Variants in NOX4 observed in about 807,000 individuals in gnomAD.
NOX4 encodes kidney oxidase-1.
Under a neutral mutation model 87.6 loss-of-function variants are expected in NOX4, and 69 were observed. The observed-to-expected ratio is 0.79, with a 90% CI of 0.65 to 0.96. NOX4 has a LOEUF of 0.96. Among genes scored for constraint, NOX4 ranks in the 40% least tolerant of loss-of-function variants. The pLI is 0.00. For missense variants in NOX4, 680 were observed against 681.5 expected, an observed-to-expected ratio of 1.00 and a Z score of 0.02; for synonymous variants, 275 against 238.2, an observed-to-expected ratio of 1.15 and a Z score of -1.42.
rs921609297 is a variant in NOX4 at position 89,463,119 on chromosome 11, C to T, written c.154-11224G>A. 2.0e-5 allele frequency among the ~76,000 whole-genome samples: 3 copies of T among 151,778 alleles called. No homozygotes were observed. In the South Asian group the frequency reaches 6.2e-4, roughly 32 times the overall value. On this transcript the variant is annotated intron_variant, in intron 2 of 17. Coordinates refer to ENST00000263317, the MANE Select transcript of NOX4 (RefSeq NM_016931.5). Reference sequence around the variant, plus strand: ...ACTGAGGAATATTAGTAATCAGATTCTGTCCATTTAATAAAAACAAAAATA... The same window carrying T: ...ACTGAGGAATATTAGTAATCAGATTTTGTCCATTTAATAAAAACAAAAATA...
Position 89,430,861 on chromosome 11 carries a change from G to A in NOX4, c.548+1923C>T, listed in dbSNP as rs573040070. 1.1e-4 allele frequency among the ~76,000 whole-genome samples: 16 copies of A among 152,164 alleles called. No homozygotes were observed. In the East Asian group the frequency reaches 3.1e-3, roughly 29 times the overall value. On this transcript the variant is annotated intron_variant, in intron 7 of 17. Transcript: ENST00000263317. The stretch of plus-strand genomic sequence containing the variant: ...CAGAATTGGAAAAAACTACTTTAAA[G>A]TTCATATGGAACCAAAAAAGAGCCT...
At chr11:89,351,573 T>C (rs1397471247) in intron 13 of NOX4, among the ~76,000 whole-genome samples, 9 of 152,206 alleles carry the variant, frequency 5.9e-5, no homozygotes, top group Admixed American at 5.2e-4. Flanking sequence ...AACTCTTGTC[T>C]ATGGACTAAT....
the NOX4 span, among the ~76,000 whole-genome samples, chr11:89,529,259 G>T: frequency 6.6e-6 from 1 of 152,140 alleles, no homozygotes; most frequent in Non-Finnish European, 1.5e-5. Flanking sequence ...AGGGGTTTTT[G>T]CAGGTATATT....
intron 2 of NOX4, among the ~76,000 whole-genome samples, chr11:89,473,542 T>G (rs1232437901): frequency 6.6e-6 from 1 of 152,086 alleles, no homozygotes; most frequent in African/African-American, 2.4e-5. Flanking sequence ...CTATCCATAA[T>G]GATATATATT....
chr11:89,404,160 C>T (rs1337446731), intron 8 of NOX4, among the ~76,000 whole-genome samples: 1 of 152,064 alleles, frequency 6.6e-6, no homozygotes, highest in Non-Finnish European at 1.5e-5. Flanking sequence ...TTTCTAGTCA[C>T]CCAATACAAT....
chr11:89,570,945 T>C, the NOX4 span, among the ~76,000 whole-genome samples: 2 of 152,368 alleles, frequency 1.3e-5, no homozygotes, highest in Middle Eastern at 3.4e-3. Flanking sequence ...AACCATAGAT[T>C]AGGTTCACTT....
chr11:89,363,509 C>T (rs1938693623), intron 12 of NOX4, among the ~76,000 whole-genome samples: 1 of 151,952 alleles, frequency 6.6e-6, no homozygotes, highest in South Asian at 2.1e-4. Flanking sequence ...AACAAAAGAA[C>T]TTCAATGCCA....
chr11:89,444,951 A>T (rs1165752826), intron 4 of NOX4, among the ~76,000 whole-genome samples: 1 of 152,098 alleles, frequency 6.6e-6, no homozygotes, highest in Admixed American at 6.6e-5. Context: ...TATTTTGAGG[A>T]GGTTGGGTAA....
intron 7 of NOX4, among the ~76,000 whole-genome samples, chr11:89,430,537 A>G (rs545858717): frequency 6.6e-6 from 1 of 152,316 alleles, no homozygotes; most frequent in South Asian, 2.1e-4. Context: ...TGCAAAAATC[A>G]CAAGCATTCT....
At chr11:89,506,932 G>A in the NOX4 span, among the ~76,000 whole-genome samples, 1 of 151,638 alleles carries the variant, frequency 6.6e-6, no homozygotes, top group Non-Finnish European at 1.5e-5. Flanking sequence ...CAGGGAAACT[G>A]GTATACTCAT....
At chr11:89,442,384 A>C (rs1944497711) in intron 5 of NOX4, among the ~76,000 whole-genome samples, 1 of 152,162 alleles carries the variant, frequency 6.6e-6, no homozygotes, top group South Asian at 2.1e-4. Flanking sequence ...TTTAAACCAA[A>C]ATTCTACAAC....
intron 15 of NOX4, among the ~76,000 whole-genome samples, chr11:89,339,459 C>G (rs2135380692): frequency 6.6e-6 from 1 of 152,224 alleles, no homozygotes; most frequent in East Asian, 1.9e-4. Flanking sequence ...TTTACTTTAT[C>G]AGAATTGTTT....
intron 7 of NOX4, among the ~76,000 whole-genome samples, 154 bp from the exon 8 acceptor site, chr11:89,422,136 C>A (rs566489276): frequency 2.2e-4 from 33 of 152,042 alleles, no homozygotes. Context: ...AGTATTAACA[C>A]AGTATATAGA....
At chr11:89,393,913 T>A (rs1941295259) in intron 11 of NOX4, among the ~76,000 whole-genome samples, 1 of 152,158 alleles carries the variant, frequency 6.6e-6, no homozygotes, top group Non-Finnish European at 1.5e-5. Flanking sequence ...AATTTTCCTT[T>A]CTCAGTCGTC....
chr11:89,464,365 C>T (rs1024606912), intron 2 of NOX4, among the ~76,000 whole-genome samples: 1 of 152,036 alleles, frequency 6.6e-6, no homozygotes, highest in African/African-American at 2.4e-5. Context: ...AAGAAGAAAA[C>T]TTTTTACTAG....
chr11:89,521,314 G>A, the NOX4 span, among the ~76,000 whole-genome samples: 1 of 152,054 alleles, frequency 6.6e-6, no homozygotes, highest in Non-Finnish European at 1.5e-5. Flanking sequence ...AAATGGCATA[G>A]TACCAGTAGA....
At chr11:89,411,409 G>C (rs1942471774) in intron 8 of NOX4, among the ~76,000 whole-genome samples, 1 of 152,092 alleles carries the variant, frequency 6.6e-6, no homozygotes, top group Non-Finnish European at 1.5e-5. Context: ...CAGTGGGGTA[G>C]AGCACCAAGC....
the NOX4 span, among the ~76,000 whole-genome samples, chr11:89,582,430 T>C: frequency 1.3e-4 from 20 of 152,276 alleles, no homozygotes; most frequent in African/African-American, 4.6e-4. Flanking sequence ...CAAATAATTC[T>C]ATTTTTAACT....
At position 89,399,723 on chromosome 11, in the gene NOX4, C is replaced by A. The variant is rs576154691; in HGVS notation, c.1074+294G>T. Among the ~76,000 whole-genome samples, 7 of 151,368 alleles carry A rather than the reference C, an allele frequency of 4.6e-5. No individual in the cohort carries two copies. The East Asian group carries it at 1.4e-3, about 30-fold the overall frequency. On this transcript the variant is annotated intron_variant, in intron 11 of 17. Coordinates refer to ENST00000263317, the MANE Select transcript of NOX4 (RefSeq NM_016931.5). ...CAAGTGGTCTTCCTACCTTGACCTC[C>A]AAAAGTGCTGGGATTACAGGCCTGA...
Sources: allele counts gnomAD v4.1 joint callset (sites outside exome capture counted in the v4.1 genomes callset), GRCh38; gene constraint gnomAD v4.1.1; transcripts MANE v1.5; gene names NCBI Gene and HGNC (gene_info 2026-07-23, HGNC 2026-07-21).